The following SMOC2 variants were observed in gnomAD, a reference collection of about 807,000 sequenced individuals.
The protein encoded by SMOC2 is SPARC related modular calcium binding 2, also known as SPARC-related modular calcium-binding protein 2.
SMOC2 carries 39 observed loss-of-function variants against 61.4 expected under a neutral mutation model. The ratio of observed to expected loss-of-function variants is 0.64; its 90% CI spans 0.49 to 0.83. SMOC2 has a LOEUF of 0.83. Ranked by LOEUF, SMOC2 falls within the 40% of genes least tolerant of loss-of-function variation. The pLI is 0.00. For missense variants in SMOC2, 556 were observed against 592.9 expected, an observed-to-expected ratio of 0.94 and a Z score of 0.65; for synonymous variants, 247 against 239.9, an observed-to-expected ratio of 1.03 and a Z score of -0.27.
chr6:168,626,804 G>A (rs1267729235), intron 9 of SMOC2, among the ~76,000 whole-genome samples: 4 of 152,316 alleles, frequency 2.6e-5, no homozygotes, highest in African/African-American at 4.8e-5. Context: ...TTTAGGTAAC[G>A]GCTGAAGGAG....
chr6:168,666,585 A>T lies in SMOC2; in HGVS notation c.*147A>T. 1 of 869,702 alleles carries T rather than the reference A, an allele frequency of 1.1e-6. No homozygotes were observed. Among genetic ancestry groups the T allele is most frequent in the East Asian group, 2.6e-5 (1 of 38,922 alleles). The allele number at this position is 869,702 out of a possible 1,614,324, so 53.9% of individuals were successfully genotyped here. A position where few individuals can be genotyped will look rare whatever the true frequency, so the allele number is the denominator to read the frequency against. On this transcript the variant is annotated 3_prime_UTR_variant, in exon 13 of 13. Coordinates refer to ENST00000356284, the MANE Select transcript of SMOC2 (RefSeq NM_001166412.2). ...CTTTGTAGAAATGAGCTATTTAAAC[A>T]GACTGTTTTAATCTGTGAAAATGGA... is the stretch of plus-strand genomic sequence containing the variant.
In SMOC2 at chr6:168,511,811, G is replaced by GTTTTTTTTTTTTTTTTTTTTTTT. The variant is rs144317852; in HGVS notation, c.256+1727_256+1728insTTTTTTTTTTTTTTTTTTTTTTT. On this transcript the variant is annotated intron_variant, in intron 2 of 12. Transcript: ENST00000356284. ...GACAAATGGCTATTCATTATCAAGGGTTGTTTTTTTTTTTTTTTCTGAAAT... is the reference window on the plus strand; with the variant it reads ...GACAAATGGCTATTCATTATCAAGGGTTTTTTTTTTTTTTTTTTTTTTTTTGTTTTTTTTTTTTTTTCTGAAAT... 1.5e-5 allele frequency among the ~76,000 whole-genome samples: 2 copies of GTTTTTTTTTTTTTTTTTTTTTTT among 130,734 alleles called. 1 individual carries two copies. Among genetic ancestry groups the GTTTTTTTTTTTTTTTTTTTTTTT allele is most frequent in the Non-Finnish European group, 3.2e-5 (2 of 62,640 alleles). 85.8% of individuals were successfully genotyped at this position (130,734 alleles called of 152,430 possible). A position where few individuals can be genotyped will look rare whatever the true frequency, so the allele number is the denominator to read the frequency against.
intron 11 of SMOC2, chr6:168,655,447 G>A (rs1380411061): frequency 1.5e-5 from 7 of 455,896 alleles, no homozygotes; most frequent in Admixed American, 7.1e-5. Context: ...TAGGAGGCAA[G>A]CCAGGAGAAG....
At chr6:168,658,970 G>T (rs1445394719) in intron 11 of SMOC2, among the ~76,000 whole-genome samples, 3 of 150,696 alleles carry the variant, frequency 2.0e-5, no homozygotes, top group African/African-American at 7.3e-5. Context: ...TATATGGTGT[G>T]TGTGTATGGT....
chr6:168,598,705 G>C, intron 7 of SMOC2, 113 bp from the exon 8 acceptor site: 1 of 1,246,534 alleles, frequency 8.0e-7, no homozygotes, highest in Non-Finnish European at 1.1e-6. Context: ...TCCTGCTCCG[G>C]GGTGAAGGAG....
intron 1 of SMOC2, among the ~76,000 whole-genome samples, chr6:168,454,377 C>T (rs1261750844): frequency 4.6e-5 from 7 of 152,030 alleles, no homozygotes; most frequent in Non-Finnish European, 1.0e-4. Flanking sequence ...TTTGGTCACA[C>T]ATTTTCTTCA....
At chr6:168,627,147 G>A (rs1405126004) in intron 9 of SMOC2, among the ~76,000 whole-genome samples, 1 of 152,194 alleles carries the variant, frequency 6.6e-6, no homozygotes, top group East Asian at 1.9e-4. Flanking sequence ...TGATAGGCCA[G>A]CATGTTGACT....
rs1786695511 is a variant in SMOC2, at chr6:168,635,622, G to A, written c.908-15059G>A. On this transcript the variant is annotated intron_variant, in intron 9 of 12. Transcript: ENST00000356284. ...ATGGTGGCTCACGCCTGTAATCCCA[G>A]CATTTTGGGAGGCCGAGGTGGGTAG... Among the ~76,000 whole-genome samples, 3 of 152,316 alleles carry A rather than the reference G, an allele frequency of 2.0e-5. No individual in the cohort carries two copies. The South Asian group carries it at 6.2e-4, about 32-fold the overall frequency.
chr6:168,595,970 T>G (rs920245904), intron 7 of SMOC2, among the ~76,000 whole-genome samples: 6 of 152,234 alleles, frequency 3.9e-5, no homozygotes, highest in African/African-American at 1.2e-4. Flanking sequence ...TGTGCACTAA[T>G]AAAATTTCTG....
chr6:168,536,316 C>A (rs772285880), intron 4 of SMOC2, among the ~76,000 whole-genome samples: 4 of 152,092 alleles, frequency 2.6e-5, no homozygotes, highest in African/African-American at 9.7e-5. Flanking sequence ...GGGTGAGGGA[C>A]GTCTTGCCTG....
rs1481755189 is a variant in SMOC2 at position 168,453,206 on chromosome 6, C to A, written c.84+11752C>A. 1.4e-5 allele frequency among the ~76,000 whole-genome samples: 1 copy of A among 73,934 alleles called. No homozygotes were observed. Among genetic ancestry groups the A allele is most frequent in the African/African-American group, 5.2e-5 (1 of 19,112 alleles). The allele number at this position is 73,934 out of a possible 152,430, so 48.5% of individuals were successfully genotyped here. ...TGTGCTCAGGGTGGCCTGACAAATGCGGGCGGGGGTGGGGGAGGAACTCGG... is the reference window on the plus strand; with the variant it reads ...TGTGCTCAGGGTGGCCTGACAAATGAGGGCGGGGGTGGGGGAGGAACTCGG... On this transcript the variant is annotated intron_variant, in intron 1 of 12. Coordinates refer to ENST00000356284, the MANE Select transcript of SMOC2 (RefSeq NM_001166412.2). This position sits in a 1 kb window ranked among gnomAD's most constrained non-coding sequence, Gnocchi z 4.4.
intron 1 of SMOC2, among the ~76,000 whole-genome samples, chr6:168,466,363 G>A (rs1043187808): frequency 2.0e-5 from 3 of 152,166 alleles, no homozygotes; most frequent in African/African-American, 4.8e-5. Flanking sequence ...CTGAGAGCTG[G>A]AACTGGGGTG....
chr6:168,619,255 TG>T (rs1333428171), intron 9 of SMOC2, among the ~76,000 whole-genome samples: 2 of 152,210 alleles, frequency 1.3e-5, no homozygotes, highest in African/African-American at 4.8e-5. Context: ...CAGTCAGCTC[TG>T]GCCAGTTTAG....
Position 168,650,748 on chromosome 6 carries a change from C to T in SMOC2, c.975C>T (p.Val325=), listed in dbSNP as rs1227882925. Residue 325 remains valine, a synonymous_variant, in exon 10 of 13, where the codon GTC becomes GTT. Transcript: ENST00000356284. The stretch of plus-strand genomic sequence containing the variant: ...TGGACGCGCTGTCCACGGACATGGT[C>T]CACGCCGCCTCCGACCCCTCCTCCT... ...SVLDALSTDM[V]HAASDPSSSS... is the part of the protein sequence containing the mutation. 1.2e-6 allele frequency: 2 copies of T among 1,613,026 alleles called. No individual in the cohort carries two copies. The highest frequency in any genetic ancestry group is 1.7e-5 in the Admixed American group (1 of 59,996).
Position 168,655,543 on chromosome 6 carries a change from G to A in SMOC2, c.1285+2315G>A, listed in dbSNP as rs545357582. ...CTGCACATGCGTGCTAGATACTCCT[G>A]CATGTGTGTGCTGGATCCTACTGCA... is the stretch of plus-strand genomic sequence containing the variant. On this transcript the variant is annotated intron_variant, in intron 11 of 12. Coordinates refer to ENST00000356284, the MANE Select transcript of SMOC2 (RefSeq NM_001166412.2). The A allele has an allele frequency of 4.5e-4, 179 of 397,308 alleles. 2 individuals carry two copies. The highest frequency in any genetic ancestry group is 2.9e-3 in the South Asian group (164 of 56,438). 24.6% of individuals were successfully genotyped at this position (397,308 alleles called of 1,614,324 possible). A position where few individuals can be genotyped will look rare whatever the true frequency, so the allele number is the denominator to read the frequency against.
At chr6:168,528,267 G>GT (rs60113269) in intron 4 of SMOC2, among the ~76,000 whole-genome samples, 12,338 of 136,482 alleles carry the variant, frequency 0.09, 680 homozygotes, top group African/African-American at 0.13. Flanking sequence ...TCCCATTAGT[G>GT]TTTTTTTTTT....
intron 7 of SMOC2, among the ~76,000 whole-genome samples, chr6:168,592,174 C>G (rs1317124783): frequency 6.6e-6 from 1 of 152,232 alleles, no homozygotes; most frequent in African/African-American, 2.4e-5. Flanking sequence ...CCCTATTTCC[C>G]TAGTTCTCTA....
rs1784170204 is a variant in SMOC2, at chr6:168,553,213, G to A, written c.637+4010G>A. ...AAGAAAATCATCACTTTCATCATGT[G>A]AATCATATACATTAAATAAACGAGT... On this transcript the variant is annotated intron_variant, in intron 7 of 12. Coordinates refer to ENST00000356284, the MANE Select transcript of SMOC2 (RefSeq NM_001166412.2). This position sits in a 1 kb window ranked among gnomAD's most constrained non-coding sequence, Gnocchi z 4.2. 6.6e-6 allele frequency among the ~76,000 whole-genome samples: 1 copy of A among 152,120 alleles called. No homozygotes were observed.
chr6:168,504,775 CT>C (rs869126386), intron 1 of SMOC2, among the ~76,000 whole-genome samples: 1 of 152,294 alleles, frequency 6.6e-6, no homozygotes, highest in African/African-American at 2.4e-5. Flanking sequence ...GCAGGCTCTT[CT>C]TCAAAATCCC....
Sources: allele counts gnomAD v4.1 joint callset (sites outside exome capture counted in the v4.1 genomes callset), GRCh38; gene constraint gnomAD v4.1.1; non-coding constraint Gnocchi (gnomAD v3.1); transcripts MANE v1.5; gene names NCBI Gene and HGNC (gene_info 2026-07-23, HGNC 2026-07-21).